Variants in PRDM11 observed in about 807,000 individuals in gnomAD.
PRDM11 encodes PR/SET domain 11, also known as PR domain-containing protein 11.
In PRDM11, 20 loss-of-function variants were observed where a neutral mutation model predicts 97.8. The ratio of observed to expected loss-of-function variants is 0.20; its 90% CI spans 0.14 to 0.30. The LOEUF (loss-of-function observed/expected upper bound fraction) is 0.30, where lower values mean the gene tolerates loss of function less well. Among genes scored for constraint, PRDM11 ranks in the 10% least tolerant of loss-of-function variants. The pLI is 1.00. For missense variants in PRDM11, 1,139 were observed against 1,555.2 expected (o/e 0.73, Z 4.50); for synonymous variants, 599 against 637.7 (o/e 0.94, Z 0.91).
intron 4 of PRDM11, among the ~76,000 whole-genome samples, chr11:45,189,830 GC>G (rs1480351206): frequency 2.0e-5 from 3 of 152,160 alleles, no homozygotes; most frequent in African/African-American, 7.2e-5. Context: ...GTGGGGACAG[GC>G]AGGTGTTACC....
chr11:45,226,800 A>G lies in PRDM11; in HGVS notation c.2175A>G (p.Pro725=), dbSNP rs770298368. 5.9e-6 allele frequency: 9 copies of G among 1,533,940 alleles called. No homozygotes were observed. In the South Asian group the frequency reaches 1.1e-4, roughly 18 times the overall value. ...ALGIRLQDEK[P]TVGLGVDGAN... ...GCATCCGGTTGCAGGATGAAAAGCC[A>G]ACTGTTGGCTTGGGTGTAGATGGAG... The change falls in exon 8 of 8, where the codon CCA becomes CCG. Residue 725 remains proline, a synonymous_variant. Coordinates refer to ENST00000683152, the MANE Select transcript of PRDM11 (RefSeq NM_001384648.1).
chr11:45,104,285 G>A (rs796141889), intron 1 of PRDM11, among the ~76,000 whole-genome samples: 24 of 152,234 alleles, frequency 1.6e-4, no homozygotes, highest in African/African-American at 5.1e-4. Context: ...GCCAGAAGGA[G>A]TAAGGGCAGA....
intron 1 of PRDM11, among the ~76,000 whole-genome samples, chr11:45,151,678 C>G (rs1393414688): frequency 6.6e-6 from 1 of 152,206 alleles, no homozygotes. Flanking sequence ...CAGAAGGACG[C>G]AAAGGAGACA....
Position 45,224,587 on chromosome 11 carries a change from C to T in PRDM11, c.1113C>T (p.Val371=). The T allele has an allele frequency of 1.9e-6, 3 of 1,614,114 alleles. No individual in the cohort carries two copies. Among genetic ancestry groups the T allele is most frequent in the Non-Finnish European group, 2.5e-6 (3 of 1,180,018 alleles). ...GEGDWKVPQG[V]SKEPGQLEDE... Reference sequence around the variant, plus strand: ...GGGACTGGAAGGTCCCCCAGGGGGTCTCCAAGGAGCCAGGCCAATTGGAGG... The same window carrying T: ...GGGACTGGAAGGTCCCCCAGGGGGTTTCCAAGGAGCCAGGCCAATTGGAGG... The change falls in exon 7 of 8, where the codon GTC becomes GTT. Residue 371 remains valine (V), a synonymous_variant. Transcript: ENST00000683152.
chr11:45,146,549 G>C (rs1851512602), upstream of PRDM11: 1 of 152,028 alleles, frequency 6.6e-6, no homozygotes, highest in African/African-American at 2.4e-5. Context: ...CTCCGGGGCC[G>C]GGTCGGGACG....
chr11:45,101,145 G>A (rs77871742), intron 1 of PRDM11, among the ~76,000 whole-genome samples: 2,022 of 152,262 alleles, frequency 0.013, 41 homozygotes, highest in African/African-American at 0.047. Context: ...GCTGAGAGGT[G>A]TGTCTGTTCC....
intron 4 of PRDM11, among the ~76,000 whole-genome samples, chr11:45,201,091 T>C (rs1243635449): frequency 6.6e-6 from 1 of 152,150 alleles, no homozygotes; most frequent in Non-Finnish European, 1.5e-5. Flanking sequence ...TCACTGAATG[T>C]GCAATTGGGA....
At chr11:45,096,464 C>T (rs1314026983) in intron 1 of PRDM11, among the ~76,000 whole-genome samples, 1 of 152,142 alleles carries the variant, frequency 6.6e-6, no homozygotes, top group Non-Finnish European at 1.5e-5. Flanking sequence ...GTGACATAAT[C>T]TCAGATCCCA....
Position 45,226,546 on chromosome 11 carries a change from G to A in PRDM11, c.1921G>A (p.Ala641Thr), listed in dbSNP as rs1453875623. 7.2e-6 allele frequency: 11 copies of A among 1,533,822 alleles called. No homozygotes were observed. Among genetic ancestry groups the A allele is most frequent in the South Asian group, 1.2e-5 (1 of 83,978 alleles). Residue 641 changes from alanine to threonine, a missense_variant, in exon 8 of 8, where the codon GCC becomes ACC. Ala to Thr is a moderately conservative substitution (Grantham distance 58). Transcript: ENST00000683152. Reference sequence around the variant, plus strand: ...CTGCCAGATCCTCATCCATCACATCGCCCGGGCCCTGCGGGAAGACCTGGT... The same window carrying A: ...CTGCCAGATCCTCATCCATCACATCACCCGGGCCCTGCGGGAAGACCTGGT... ...GDCQILIHHIARALREDLVER... is the reference protein window; with the variant it reads ...GDCQILIHHITRALREDLVER...
At chr11:45,224,918 C>T (rs371411996) in intron 7 of PRDM11, 75 bp downstream of exon 7, 1 of 1,599,284 alleles carries the variant, frequency 6.3e-7, no homozygotes, top group African/African-American at 1.3e-5. Flanking sequence ...GCCTAAAGCT[C>T]TCTGTGGAAA....
At chr11:45,182,713 G>T (rs1178076786) in intron 3 of PRDM11, 148 bp from the exon 4 acceptor site, 3 of 1,000,976 alleles carry the variant, frequency 3.0e-6, no homozygotes, top group South Asian at 3.3e-5. Flanking sequence ...GAGCCCCCAG[G>T]GAGAGTATGG....
intron 4 of PRDM11, among the ~76,000 whole-genome samples, chr11:45,194,401 G>C (rs796290683): frequency 2.0e-5 from 3 of 152,206 alleles, no homozygotes; most frequent in South Asian, 4.2e-4. Flanking sequence ...CCCAAGGAGA[G>C]CTCTTGTTGA....
intron 4 of PRDM11, among the ~76,000 whole-genome samples, chr11:45,187,170 G>T (rs1051108737): frequency 6.6e-6 from 1 of 152,186 alleles, no homozygotes; most frequent in Non-Finnish European, 1.5e-5. Context: ...GTAATACAGA[G>T]GCAGAGTATT....
At chr11:45,143,709 C>T (rs986069652), upstream of PRDM11, among the ~76,000 whole-genome samples, 1 of 152,226 alleles carries the variant, frequency 6.6e-6, no homozygotes, top group African/African-American at 2.4e-5. Flanking sequence ...GTCTCTTAAC[C>T]TCTCTGAACA....
chr11:45,104,135 G>A (rs1027540838), intron 1 of PRDM11, among the ~76,000 whole-genome samples: 1 of 152,250 alleles, frequency 6.6e-6, no homozygotes, highest in African/African-American at 2.4e-5. Context: ...ACAGAGCTGT[G>A]TGGACAGGCT....
intron 1 of PRDM11, among the ~76,000 whole-genome samples, chr11:45,126,532 G>A (rs1852577620): frequency 6.6e-6 from 1 of 152,064 alleles, no homozygotes; most frequent in Non-Finnish European, 1.5e-5. Flanking sequence ...GGCAGGCCTG[G>A]TGGTGACAAA....
chr11:45,096,938 G>A (rs1227236323), intron 1 of PRDM11, among the ~76,000 whole-genome samples: 2 of 152,184 alleles, frequency 1.3e-5, no homozygotes, highest in Non-Finnish European at 1.5e-5. Flanking sequence ...AGGCAGCTGC[G>A]TGGCCATGCA....
intron 1 of PRDM11, among the ~76,000 whole-genome samples, chr11:45,150,785 GGAA>G (rs1029830358): frequency 1.3e-5 from 2 of 152,176 alleles, no homozygotes; most frequent in Admixed American, 6.5e-5. Context: ...AAGATGAAGA[GGAA>G]GAAGAAGATG....
chr11:45,106,243 G>A (rs527421496), intron 1 of PRDM11, among the ~76,000 whole-genome samples: 10 of 152,244 alleles, frequency 6.6e-5, no homozygotes, highest in South Asian at 2.1e-4. Context: ...GCTTCCAGGG[G>A]CTCAGCAGTT....
Sources: allele counts gnomAD v4.1 joint callset (sites outside exome capture counted in the v4.1 genomes callset), GRCh38; gene constraint gnomAD v4.1.1; transcripts MANE v1.5; gene names NCBI Gene and HGNC (gene_info 2026-07-23, HGNC 2026-07-21).